MED13L: variants seen among roughly 807,000 people sequenced by gnomAD.
MED13L encodes the protein mediator complex subunit 13L, also known as mediator of RNA polymerase II transcription subunit 13-like.
A neutral mutation model predicts 220.9 loss-of-function variants in MED13L; 7 were observed. The ratio of observed to expected loss-of-function variants is 0.03; its 90% confidence interval spans 0.02 to 0.06. The LOEUF is 0.06. Ranked by LOEUF, MED13L falls within the 10% of genes least tolerant of loss-of-function variation. The pLI, the probability that MED13L is intolerant of heterozygous loss-of-function variation, is 1.00. For missense variants in MED13L, 1,965 were observed against 2,760.5 expected (o/e 0.71, Z 6.46); for synonymous variants, 1,011 against 1,015.2 (o/e 1.00, Z 0.08).
intron 4 of MED13L, among the ~76,000 whole-genome samples, chr12:116,053,773 A>AT (rs1398321582): frequency 4.6e-5 from 7 of 152,190 alleles, no homozygotes; most frequent in Non-Finnish European, 7.3e-5. Flanking sequence ...AAATGGCATG[A>AT]TAAAAACTGG....
intron 2 of MED13L, among the ~76,000 whole-genome samples, chr12:116,123,376 T>G (rs758686289): frequency 1.3e-5 from 2 of 152,194 alleles, no homozygotes; most frequent in African/African-American, 2.4e-5. Flanking sequence ...AGCAGACATG[T>G]GATTCAGTTA....
intron 4 of MED13L, among the ~76,000 whole-genome samples, chr12:116,066,632 C>T (rs1372243150): frequency 6.6e-6 from 1 of 152,002 alleles, no homozygotes; most frequent in African/African-American, 2.4e-5. Flanking sequence ...TATGAGAATC[C>T]TGTAACACTA....
intron 13 of MED13L, among the ~76,000 whole-genome samples, chr12:116,003,445 C>T (rs768477536): frequency 1.3e-4 from 20 of 151,980 alleles, no homozygotes; most frequent in Admixed American, 5.2e-4. Context: ...GTCTGGTTTC[C>T]CTTATACTTG....
intron 2 of MED13L, among the ~76,000 whole-genome samples, chr12:116,151,893 T>G (rs554390448): frequency 6.6e-6 from 1 of 152,316 alleles, no homozygotes; most frequent in South Asian, 2.1e-4. Context: ...CCTTTATATT[T>G]CTGTATGTTT....
chr12:116,222,134 T>C (rs1204987983), intron 2 of MED13L, among the ~76,000 whole-genome samples: 1 of 152,172 alleles, frequency 6.6e-6, no homozygotes, highest in Admixed American at 6.5e-5. Flanking sequence ...GACAGTAGAG[T>C]TCATTTAAAA....
chr12:116,005,962 A>G lies in MED13L; in HGVS notation c.2376T>C (p.Ala792=). The change falls in exon 13 of 31, where the codon GCT becomes GCC. Residue 792 remains alanine (A), a synonymous_variant. Coordinates refer to ENST00000281928, the MANE Select transcript of MED13L (RefSeq NM_015335.5). ...DVRQDNAAGR[A]GSSSLTQVTD... The stretch of plus-strand genomic sequence containing the variant: ...TTACCTGTGTAAGGCTACTGGAGCC[A>G]GCTCTGCCAGCAGCATTATCCTGCC... 2 of 1,614,000 alleles carry G rather than the reference A, an allele frequency of 1.2e-6. No homozygotes were observed. The highest frequency in any genetic ancestry group is 1.7e-6 in the Non-Finnish European group (2 of 1,179,868).
chr12:116,223,730 T>A (rs1228148869), intron 2 of MED13L, among the ~76,000 whole-genome samples: 2 of 151,964 alleles, frequency 1.3e-5, no homozygotes, highest in South Asian at 4.1e-4. Flanking sequence ...AATAAGATAC[T>A]GCAAAAAGAG....
At position 116,007,602 on chromosome 12, in the gene MED13L, A is replaced by G; in HGVS notation, c.2047T>C (p.Trp683Arg). Residue 683 changes from tryptophan to arginine, a missense_variant, in exon 11 of 31, where the codon TGG becomes CGG. Physicochemically the swap from Trp to Arg is moderately radical, Grantham distance 101. This residue lies in a region of MED13L where 818 missense variants were observed against 1,041.2 expected (regional missense o/e 0.79). Transcript: ENST00000281928. ...LAQPNKRFKI[W>R]QDKQPQLQPL... is the part of the protein sequence containing the mutation. ...TGCAACTGGGGCTGTTTGTCTTGCCAGATTTTAAACCGTTTGTTAGGTTGT... is the reference window on the plus strand; with the variant it reads ...TGCAACTGGGGCTGTTTGTCTTGCCGGATTTTAAACCGTTTGTTAGGTTGT... The G allele has an allele frequency of 6.3e-7, 1 of 1,593,926 alleles. No individual in the cohort carries two copies. The highest frequency in any genetic ancestry group is 1.1e-5 in the South Asian group (1 of 90,656).
At chr12:116,263,596 C>T (rs1593224315) in intron 1 of MED13L, among the ~76,000 whole-genome samples, 1 of 152,178 alleles carries the variant, frequency 6.6e-6, no homozygotes, top group African/African-American at 2.4e-5. Context: ...ACTAGGCAGT[C>T]TCCAATGAAT....
At chr12:116,025,322 G>A (rs1344122317) in intron 4 of MED13L, among the ~76,000 whole-genome samples, 1 of 152,128 alleles carries the variant, frequency 6.6e-6, no homozygotes, top group Admixed American at 6.6e-5. Flanking sequence ...ACAGTATAAA[G>A]ATTCCTCAAA....
intron 4 of MED13L, among the ~76,000 whole-genome samples, chr12:116,083,618 A>C (rs562921665): frequency 6.6e-6 from 1 of 152,264 alleles, no homozygotes; most frequent in Admixed American, 6.5e-5. Context: ...CTGGTTGGCA[A>C]ATTCAGATCC....
At chr12:116,141,228 A>G (rs1877042983) in intron 2 of MED13L, among the ~76,000 whole-genome samples, 1 of 152,226 alleles carries the variant, frequency 6.6e-6, no homozygotes, top group South Asian at 2.1e-4. Context: ...ATCTGTTAAC[A>G]TTCTGTATTC....
chr12:116,067,068 A>C (rs1259696340), intron 4 of MED13L, among the ~76,000 whole-genome samples: 1 of 152,198 alleles, frequency 6.6e-6, no homozygotes, highest in African/African-American at 2.4e-5. Context: ...TGAACCCTGC[A>C]ATACTGGAAA....
intron 1 of MED13L, among the ~76,000 whole-genome samples, chr12:116,245,300 A>G (rs922471943): frequency 4.6e-5 from 7 of 152,330 alleles, no homozygotes; most frequent in Admixed American, 4.6e-4. Context: ...GCTCCACAGA[A>G]AAGACCTCAA....
At chr12:116,183,985 TAC>T (rs1490900059) in intron 2 of MED13L, among the ~76,000 whole-genome samples, 1 of 152,144 alleles carries the variant, frequency 6.6e-6, no homozygotes, top group Non-Finnish European at 1.5e-5. Context: ...AAGCTCCAAA[TAC>T]AGTTTACAAA....
intron 1 of MED13L, among the ~76,000 whole-genome samples, chr12:116,251,541 C>T (rs551142650): frequency 6.7e-6 from 1 of 148,618 alleles, no homozygotes; most frequent in Admixed American, 6.7e-5. Flanking sequence ...GGGCATATCA[C>T]GAGGTCAGGA....
rs368699438 is a variant in MED13L at position 116,185,361 on chromosome 12, T to C, written c.310+52107A>G. Among the ~76,000 whole-genome samples the C allele has an allele frequency of 7.2e-5, 11 of 152,112 alleles. No homozygotes were observed. The East Asian group carries it at 1.5e-3, about 21-fold the overall frequency. ...ACACAAGTTCATTCTTTTTTTTTTT[T>C]AGTCTACATTTCAGAGGAGAGAGGA... On this transcript the variant is annotated intron_variant, in intron 2 of 30. Transcript: ENST00000281928.
At chr12:116,030,986 C>A (rs907285095) in intron 4 of MED13L, among the ~76,000 whole-genome samples, 2 of 152,096 alleles carry the variant, frequency 1.3e-5, no homozygotes, top group African/African-American at 4.8e-5. Context: ...GAAACTAATA[C>A]AATGCATTAA....
chr12:115,989,936 T>A (rs1877947474), intron 17 of MED13L, among the ~76,000 whole-genome samples: 1 of 152,344 alleles, frequency 6.6e-6, no homozygotes, highest in East Asian at 1.9e-4. Flanking sequence ...TGCACATTGT[T>A]ATTTTTCCTT....
Sources: allele counts gnomAD v4.1 joint callset (sites outside exome capture counted in the v4.1 genomes callset), GRCh38; gene constraint gnomAD v4.1.1; regional missense constraint gnomAD v4.1.1; transcripts MANE v1.5; gene names NCBI Gene and HGNC (gene_info 2026-07-23, HGNC 2026-07-21).